MEF2C: variants seen among roughly 807,000 people sequenced by gnomAD.
MEF2C encodes myocyte-specific enhancer factor 2C.
Under a neutral mutation model 50.5 loss-of-function variants are expected in MEF2C, and 6 were observed. The observed-to-expected ratio is 0.12, with a 90% CI of 0.07 to 0.23. The LOEUF is 0.23. Ranked by LOEUF, MEF2C falls within the 10% of genes least tolerant of loss-of-function variation. The pLI is 1.00. For missense variants in MEF2C, 276 were observed against 605.0 expected, an observed-to-expected ratio of 0.46 and a Z score of 5.70; for synonymous variants, 183 against 228.0, an observed-to-expected ratio of 0.80 and a Z score of 1.78.
rs192076457 is a variant in MEF2C, at chr5:88,751,537, G to A, written c.589+320C>T. On this transcript the variant is annotated intron_variant, in intron 5 of 10. Transcript: ENST00000504921. ...AGGAAGAGGGAAAATGGCATTTTAG[G>A]CAGGGAGGACGAGCAGAAGTAAAAG... 264 of 985,306 alleles carry A rather than the reference G, an allele frequency of 2.7e-4. 1 individual carries two copies. The Middle Eastern group carries it at 9.4e-3, about 35-fold the overall frequency. The allele number at this position is 985,306 out of a possible 1,614,324, so 61.0% of individuals were successfully genotyped here.
chr5:88,765,187 G>A (rs1171866042), intron 3 of MEF2C, among the ~76,000 whole-genome samples: 1 of 152,122 alleles, frequency 6.6e-6, no homozygotes, highest in African/African-American at 2.4e-5. Flanking sequence ...GTTAAATTGT[G>A]TTATTTAAAA....
intron 2 of MEF2C, among the ~76,000 whole-genome samples, chr5:88,813,987 C>T (rs999932271): frequency 2.0e-5 from 3 of 151,976 alleles, no homozygotes; most frequent in Admixed American, 2.0e-4. Flanking sequence ...CAGTTTCCTC[C>T]CAGTTGAGGA....
At chr5:88,733,571 C>T in intron 6 of MEF2C, 1 of 985,228 alleles carries the variant, frequency 1.0e-6, no homozygotes. Flanking sequence ...GAAGGCAGAG[C>T]AAAGGTATAT....
intron 1 of MEF2C, among the ~76,000 whole-genome samples, chr5:88,852,544 C>T (rs140996815): frequency 1.3e-5 from 2 of 152,164 alleles, no homozygotes; most frequent in East Asian, 1.9e-4. Context: ...TTTTTCCAAG[C>T]GATAATTAAA....
intron 1 of MEF2C, among the ~76,000 whole-genome samples, chr5:88,844,006 T>G (rs1818415532): frequency 6.6e-6 from 1 of 152,236 alleles, no homozygotes; most frequent in Admixed American, 6.5e-5. Context: ...GAGACGGGGT[T>G]TCACCATGTT....
At chr5:88,833,701 T>C (rs1173043052) in intron 1 of MEF2C, among the ~76,000 whole-genome samples, 1 of 152,148 alleles carries the variant, frequency 6.6e-6, no homozygotes, top group Non-Finnish European at 1.5e-5. Flanking sequence ...GTGCAGCTGC[T>C]GAAAATCAAA....
At chr5:88,740,047 C>T in intron 6 of MEF2C, 1 of 985,236 alleles carries the variant, frequency 1.0e-6, no homozygotes, top group Non-Finnish European at 1.2e-6. Flanking sequence ...AGAAATACCC[C>T]AAGACTATAC....
chr5:88,865,607 T>G (rs1298537926), intron 1 of MEF2C, among the ~76,000 whole-genome samples: 1 of 152,182 alleles, frequency 6.6e-6, no homozygotes, highest in East Asian at 1.9e-4. Flanking sequence ...ATATGGTGTT[T>G]TATGGAGTCT....
In MEF2C at chr5:88,722,819, T is replaced by C. The variant is rs753002290; in HGVS notation, c.1207A>G (p.Thr403Ala). ...TGTTGTGGGTATCTCGAAGGGGTGG[T>C]GGTACGGTCTCTAGGAGGAGAAACA... Reference protein sequence around the residue: ...EPVSPPRDRTTTPSRYPQHTR... With the variant: ...EPVSPPRDRTATPSRYPQHTR... Residue 403 changes from threonine (T) to alanine (A), a missense_variant, in exon 11 of 11, where the codon ACC becomes GCC. Physicochemically the swap from Thr to Ala is moderately conservative, Grantham distance 58. Coordinates refer to ENST00000504921, the MANE Select transcript of MEF2C (RefSeq NM_002397.5). The C allele has an allele frequency of 9.9e-6, 16 of 1,613,816 alleles. No homozygotes were observed. In the African/African-American group the frequency reaches 2.1e-4, roughly 22 times the overall value.
Position 88,728,627 on chromosome 5 carries a change from C to A in MEF2C, c.966G>T (p.Glu322Asp). ...ACAGGTCTGCACTACTCAGAGAGTA[C>A]TCTAGATTAAAGAATAAAACAACAA... ...PSAISTTYGTEYSLSSADLSS... is the reference protein window; with the variant it reads ...PSAISTTYGTDYSLSSADLSS... The change falls in exon 10 of 11, where the codon GAG (glutamate) becomes GAT (aspartate). Residue 322 changes from glutamate to aspartate, a missense_variant and splice_region_variant. By Grantham distance (45) the Glu-to-Asp change is conservative. Coordinates refer to ENST00000504921, the MANE Select transcript of MEF2C (RefSeq NM_002397.5). 7.0e-7 allele frequency: 1 copy of A among 1,421,304 alleles called. No homozygotes were observed. The highest frequency in any genetic ancestry group is 9.3e-7 in the Non-Finnish European group (1 of 1,078,230). The allele number at this position is 1,421,304 out of a possible 1,614,324, so 88.0% of individuals were successfully genotyped here.
intron 3 of MEF2C, among the ~76,000 whole-genome samples, chr5:88,778,834 A>G (rs1786232008): frequency 6.6e-6 from 1 of 152,246 alleles, no homozygotes; most frequent in South Asian, 2.1e-4. Flanking sequence ...AAGAGCTTCA[A>G]GAACCACAAA....
chr5:88,826,383 A>T lies in MEF2C; in HGVS notation c.-142-2453T>A, dbSNP rs143641775. Among the ~76,000 whole-genome samples, 1,166 of 152,084 alleles carry T rather than the reference A, an allele frequency of 7.7e-3. 11 individuals carry two copies. Among genetic ancestry groups the T allele is most frequent in the Middle Eastern group, 0.031 (9 of 294 alleles). ...TTTCTTGAGGTATTGCCTTCAGAAC[A>T]TTTCTAAAATCCAAAATTTAGTATG... On this transcript the variant is annotated intron_variant, in intron 1 of 10. Coordinates refer to ENST00000504921, the MANE Select transcript of MEF2C (RefSeq NM_002397.5).
intron 4 of MEF2C, among the ~76,000 whole-genome samples, chr5:88,759,565 A>G: frequency 6.6e-6 from 1 of 152,212 alleles, no homozygotes. Context: ...TAAAATACCA[A>G]TGGATATTTT....
At chr5:88,814,628 T>C (rs932235247) in intron 2 of MEF2C, among the ~76,000 whole-genome samples, 4 of 151,750 alleles carry the variant, frequency 2.6e-5, no homozygotes, top group African/African-American at 7.3e-5. Context: ...GGGCTTAGAG[T>C]GTGGAATTTA....
upstream of MEF2C, chr5:88,887,375 G>A (rs1362595978): frequency 3.3e-5 from 5 of 152,158 alleles, no homozygotes; most frequent in Admixed American, 1.3e-4. Context: ...AAAGTGTATG[G>A]TGGTCATTTA....
At chr5:88,840,198 C>G (rs1412926665) in intron 1 of MEF2C, among the ~76,000 whole-genome samples, 3 of 152,158 alleles carry the variant, frequency 2.0e-5, no homozygotes, top group South Asian at 4.1e-4. Context: ...TGATGTTTCA[C>G]AACTCTCACT....
At chr5:88,743,295 C>T in intron 6 of MEF2C, 1 of 985,196 alleles carries the variant, frequency 1.0e-6, no homozygotes, top group South Asian at 4.7e-5. Context: ...ACTTTTTAAA[C>T]TAAATTTTTA....
Position 88,722,553 on chromosome 5 carries a change from C to T in MEF2C, c.*51G>A. On this transcript the variant is annotated 3_prime_UTR_variant, in exon 11 of 11. Coordinates refer to ENST00000504921, the MANE Select transcript of MEF2C (RefSeq NM_002397.5). ...ACCCCCCTTCCCCATTAAGGTATAG[C>T]ACACACACACACTGCAAGAAAAAAA... is the stretch of plus-strand genomic sequence containing the variant. 1 of 1,394,650 alleles carries T rather than the reference C, an allele frequency of 7.2e-7. No individual in the cohort carries two copies. The highest frequency in any genetic ancestry group is 1.3e-5 in the South Asian group (1 of 77,392). The allele number at this position is 1,394,650 out of a possible 1,614,324, so 86.4% of individuals were successfully genotyped here.
intron 6 of MEF2C, chr5:88,744,262 G>T (rs1768264500): frequency 1.7e-6 from 1 of 595,332 alleles, no homozygotes; most frequent in Non-Finnish European, 2.1e-6. Context: ...CATGTTAAAA[G>T]CTTTAATGTG....
Sources: gnomAD v4.1 joint callset for allele counts (sites outside exome capture counted in the v4.1 genomes callset) on GRCh38, gnomAD v4.1.1 for gene constraint, MANE v1.5 for transcripts, NCBI Gene and HGNC (gene_info 2026-07-23, HGNC 2026-07-21) for gene names.